The following BMP1 variants were observed in gnomAD, a reference collection of about 807,000 sequenced individuals.
BMP1 encodes bone morphogenetic protein 1.
BMP1 carries 63 observed loss-of-function variants against 116.8 expected under a neutral mutation model. The observed-to-expected ratio is 0.54, with a 90% CI of 0.44 to 0.67. BMP1 has a LOEUF of 0.67. Ranked by LOEUF, BMP1 falls within the 30% of genes least tolerant of loss-of-function variation. The pLI is 0.00. For synonymous variants in BMP1, 536 were observed against 533.4 expected, an observed-to-expected ratio of 1.00 and a Z score of -0.07; for missense variants, 1,183 against 1,358.9, an observed-to-expected ratio of 0.87 and a Z score of 2.04.
rs75619942 is a variant in BMP1 at position 22,193,483 on chromosome 8, C to T, written c.1181-575C>T. Among the ~76,000 whole-genome samples, 731 of 152,250 alleles carry T rather than the reference C, an allele frequency of 4.8e-3. 5 individuals carry two copies. The highest frequency in any genetic ancestry group is 0.017 in the African/African-American group (699 of 41,562). ...TAAATAGAACACATATATAGTTGGACATTATAAAGATCTACCTTGGCCAGG... is the reference window on the plus strand; with the variant it reads ...TAAATAGAACACATATATAGTTGGATATTATAAAGATCTACCTTGGCCAGG... On this transcript the variant is annotated intron_variant, in intron 9 of 19. Coordinates refer to ENST00000306385, the MANE Select transcript of BMP1 (RefSeq NM_006129.5).
Position 22,176,319 on chromosome 8 carries a change from C to T in BMP1, c.433+6C>T, listed in dbSNP as rs989142515. 11 of 1,586,746 alleles carry T rather than the reference C, an allele frequency of 6.9e-6. No homozygotes were observed. The highest frequency in any genetic ancestry group is 1.3e-5 in the African/African-American group (1 of 74,348). The stretch of plus-strand genomic sequence containing the variant: ...CATTGGGGGAAACTTCACTGGTGAG[C>T]GTGCTATTGTGGGTCCCAGAGTGTA... On this transcript the variant is annotated splice_donor_region_variant and intron_variant, in intron 3 of 19. Transcript: ENST00000306385.
chr8:22,166,210 AC>A (rs1439632120), intron 1 of BMP1, among the ~76,000 whole-genome samples: 1 of 151,468 alleles, frequency 6.6e-6, no homozygotes, highest in African/African-American at 2.4e-5. Flanking sequence ...CAGAAGGGGG[AC>A]TTAACTTTGT....
At chr8:22,201,369 C>A in intron 15 of BMP1, 1 of 1,472,978 alleles carries the variant, frequency 6.8e-7, no homozygotes, top group East Asian at 2.4e-5. Flanking sequence ...TGTGCCCGTC[C>A]GCGGACCGGG....
intron 15 of BMP1, 112 bp from the exon 16 acceptor site, chr8:22,201,691 C>T: frequency 6.6e-7 from 1 of 1,520,406 alleles, no homozygotes; most frequent in Admixed American, 2.0e-5. Context: ...GCTCTGCCAG[C>T]TGTTGCTCTG....
Position 22,197,336 on chromosome 8 carries a change from A to G in BMP1, c.2023A>G (p.Thr675Ala). ...TGGTTCTGAGAAGCCCGAGGTCATC[A>G]CCTCCCAGTACAACAACATGCGCGT... Reference protein sequence around the residue: ...FCGSEKPEVITSQYNNMRVEF... With the variant: ...FCGSEKPEVIASQYNNMRVEF... The change falls in exon 15 of 20, where the codon ACC (threonine) becomes GCC (alanine). Residue 675 changes from threonine (T) to alanine (A), a missense_variant. This residue lies in a region of BMP1 where 956 missense variants were observed against 1,135.2 expected (regional missense o/e 0.84). Coordinates refer to ENST00000306385, the MANE Select transcript of BMP1 (RefSeq NM_006129.5). 6.2e-7 allele frequency: 1 copy of G among 1,613,826 alleles called. No individual in the cohort carries two copies. The highest frequency in any genetic ancestry group is 8.5e-7 in the Non-Finnish European group (1 of 1,179,880).
At chr8:22,198,051 C>G (rs373758586) in intron 15 of BMP1, among the ~76,000 whole-genome samples, 2 of 151,934 alleles carry the variant, frequency 1.3e-5, no homozygotes, top group African/African-American at 4.8e-5. Flanking sequence ...AGGGTGTAGT[C>G]GTGTGTGCCT....
chr8:22,172,002 C>T (rs970257882), intron 1 of BMP1, among the ~76,000 whole-genome samples: 14 of 152,108 alleles, frequency 9.2e-5, no homozygotes, highest in Non-Finnish European at 1.2e-4. Flanking sequence ...AGGGTGTGGA[C>T]GCCACCATAT....
chr8:22,210,372 T>C (rs904299182), intron 19 of BMP1, among the ~76,000 whole-genome samples: 260 of 150,718 alleles, frequency 1.7e-3, no homozygotes, highest in African/African-American at 6.0e-3. Flanking sequence ...TTCTTCTTTT[T>C]TTTTTTTTTT....
intron 16 of BMP1, among the ~76,000 whole-genome samples, chr8:22,203,878 A>C (rs1019559130): frequency 1.3e-5 from 2 of 152,212 alleles, no homozygotes; most frequent in African/African-American, 4.8e-5. Flanking sequence ...TCCCCTGTGT[A>C]AAAAGATGGT....
intron 7 of BMP1, 52 bp from the exon 8 acceptor site, chr8:22,180,316 A>T (rs1828577985): frequency 6.9e-7 from 1 of 1,457,206 alleles, no homozygotes; most frequent in East Asian, 2.3e-5. Context: ...GAGCCAGAAG[A>T]TGGGGGGATT....
intron 16 of BMP1, 110 bp from the exon 17 acceptor site, chr8:22,206,744 G>T: frequency 1.3e-6 from 2 of 1,495,712 alleles, no homozygotes; most frequent in Non-Finnish European, 1.8e-6. Context: ...TCATAAGTGG[G>T]ACAAGAGATG....
intron 19 of BMP1, among the ~76,000 whole-genome samples, chr8:22,210,468 T>TCTCTCTCTCTCTCTCACA (rs10664439): frequency 3.0e-5 from 4 of 135,500 alleles, no homozygotes; most frequent in African/African-American, 1.2e-4. Context: ...TCTCTCTCTC[T>TCTCTCTCTCTCTCTCACA]CACACACATA....
chr8:22,174,784 C>A (rs573505372), intron 2 of BMP1, among the ~76,000 whole-genome samples: 1 of 152,220 alleles, frequency 6.6e-6, no homozygotes, highest in South Asian at 2.1e-4. Context: ...AGGCATGCAA[C>A]ACCACGCCTG....
chr8:22,175,067 G>T (rs550296997), intron 2 of BMP1, among the ~76,000 whole-genome samples: 4 of 152,296 alleles, frequency 2.6e-5, no homozygotes, highest in Admixed American at 1.3e-4. Context: ...GGCATTGGAG[G>T]GTGACCTGGT....
intron 1 of BMP1, chr8:22,171,170 TTC>T (rs1828266017): frequency 6.6e-6 from 1 of 152,254 alleles, no homozygotes; most frequent in African/African-American, 2.4e-5. Context: ...AAGAGTAGCT[TTC>T]TCATGGGTTG....
Position 22,209,463 on chromosome 8 carries a change from G to A in BMP1, c.2594G>A (p.Arg865Gln), listed in dbSNP as rs142443043. Reference protein sequence around the residue: ...SHATECGGQVRADVKTKDLYS... With the variant: ...SHATECGGQVQADVKTKDLYS... ...CCTACAGAGTGCGGGGGCCAGGTAC[G>A]GGCAGACGTGAAGACCAAGGACCTT... The change falls in exon 19 of 20, where the codon CGG (arginine) becomes CAG (glutamine). Residue 865 changes from arginine (R) to glutamine (Q), a missense_variant. Physicochemically the swap from Arg to Gln is conservative, Grantham distance 43. Coordinates refer to ENST00000306385, the MANE Select transcript of BMP1 (RefSeq NM_006129.5). The A allele has an allele frequency of 1.5e-4, 246 of 1,614,034 alleles. No homozygotes were observed. Among genetic ancestry groups the A allele is most frequent in the Non-Finnish European group, 1.9e-4 (224 of 1,180,026 alleles).
At chr8:22,201,198 C>G in intron 15 of BMP1, 5 of 1,613,384 alleles carry the variant, frequency 3.1e-6, no homozygotes, top group Non-Finnish European at 4.2e-6. Flanking sequence ...CCGGACCCCC[C>G]AGTGAGGCCT....
chr8:22,184,499 T>C (rs1485301872), intron 8 of BMP1, among the ~76,000 whole-genome samples: 1 of 152,092 alleles, frequency 6.6e-6, no homozygotes, highest in African/African-American at 2.4e-5. Flanking sequence ...GTACACGAAG[T>C]AAAAACCAGC....
chr8:22,194,495 A>T lies in BMP1; in HGVS notation c.1348A>T (p.Asn450Tyr). 1 of 1,614,190 alleles carries T rather than the reference A, an allele frequency of 6.2e-7. No homozygotes were observed. Among genetic ancestry groups the T allele is most frequent in the Non-Finnish European group, 8.5e-7 (1 of 1,180,024 alleles). ...KKDYGHIQSP[N>Y]YPDDYRPSKV... ...GGACTATGGCCACATTCAATCGCCC[A>T]ACTACCCAGACGATTACCGGCCCAG... Residue 450 changes from asparagine (N) to tyrosine (Y), a missense_variant, in exon 11 of 20, where the codon AAC (asparagine) becomes TAC (tyrosine). By Grantham distance (143) the Asn-to-Tyr change is moderately radical. Coordinates refer to ENST00000306385, the MANE Select transcript of BMP1 (RefSeq NM_006129.5). This position sits in a 1 kb window ranked among gnomAD's most constrained non-coding sequence, Gnocchi z 4.5.
Sources: allele counts gnomAD v4.1 joint callset (sites outside exome capture counted in the v4.1 genomes callset), GRCh38; gene constraint gnomAD v4.1.1; regional missense constraint gnomAD v4.1.1; non-coding constraint Gnocchi (gnomAD v3.1); transcripts MANE v1.5; gene names NCBI Gene and HGNC (gene_info 2026-07-23, HGNC 2026-07-21).